Variants in MYO5B observed in about 807,000 individuals in gnomAD.
MYO5B encodes unconventional myosin-Vb.
MYO5B carries 143 observed loss-of-function variants against 229.3 expected under a neutral mutation model. The ratio of observed to expected loss-of-function variants is 0.62; its 90% CI spans 0.54 to 0.72. The LOEUF is 0.72. Ranked by LOEUF, MYO5B falls within the 30% of genes least tolerant of loss-of-function variation. The probability of loss-of-function intolerance (pLI) is 0.00; values close to 1 mark genes in which losing one functional copy is unlikely to be tolerated. For missense variants in MYO5B, 2,321 were observed against 2,331.0 expected, an observed-to-expected ratio of 1.00 and a Z score of 0.09; for synonymous variants, 918 against 885.2, an observed-to-expected ratio of 1.04 and a Z score of -0.66.
chr18:50,064,038 C>A (rs1304249335), intron 1 of MYO5B: 3 of 152,200 alleles, frequency 2.0e-5, no homozygotes, highest in Non-Finnish European at 2.9e-5. Flanking sequence ...GTGAGGGAAG[C>A]AGTGATAGCA....
intron 1 of MYO5B, among the ~76,000 whole-genome samples, chr18:50,065,289 G>A (rs910990849): frequency 6.6e-6 from 1 of 152,136 alleles, no homozygotes; most frequent in African/African-American, 2.4e-5. Flanking sequence ...GCGAGGTGCT[G>A]GGCACAGTGA....
chr18:49,845,774 G>A (rs2024117904), intron 33 of MYO5B, among the ~76,000 whole-genome samples: 1 of 152,212 alleles, frequency 6.6e-6, no homozygotes, highest in African/African-American at 2.4e-5. Context: ...GTACAGAGCA[G>A]GGAGGTGGCC....
intron 39 of MYO5B, among the ~76,000 whole-genome samples, chr18:49,832,836 C>A (rs1177090987): frequency 6.6e-6 from 1 of 152,114 alleles, no homozygotes; most frequent in East Asian, 1.9e-4. Flanking sequence ...AAGCAACTAG[C>A]CTCACTAATT....
chr18:50,147,369 T>C (rs1385497946), intron 1 of MYO5B, among the ~76,000 whole-genome samples: 1 of 152,228 alleles, frequency 6.6e-6, no homozygotes, highest in Non-Finnish European at 1.5e-5. Flanking sequence ...GCCACTGCCC[T>C]GTCCACAGTC....
At chr18:50,089,786 C>A (rs1297171438) in intron 1 of MYO5B, among the ~76,000 whole-genome samples, 1 of 152,204 alleles carries the variant, frequency 6.6e-6, no homozygotes. Context: ...TGATACCCAC[C>A]CAACAAGGCG....
At chr18:49,940,692 G>T (rs2144220197) in intron 14 of MYO5B, among the ~76,000 whole-genome samples, 1 of 152,258 alleles carries the variant, frequency 6.6e-6, no homozygotes, top group African/African-American at 2.4e-5. Context: ...TAGGCCTTTT[G>T]GATAAGATCA....
In MYO5B at chr18:49,849,603, G is replaced by A. The variant is rs1288744121; in HGVS notation, c.4279C>T (p.Leu1427=). The A allele has an allele frequency of 6.2e-6, 10 of 1,613,424 alleles. No individual in the cohort carries two copies. The South Asian group carries it at 9.9e-5, about 16-fold the overall frequency. ...TGGGCTTTCTTCATGTAAATCTTCA[G>A]TTGCTTTTTGAGCTTCCTCTCATTC... ...EKNERKLKKQ[L]KIYMKKAQDL... The change falls in exon 32 of 40, where the codon CTG becomes TTG. Residue 1427 remains leucine, a synonymous_variant. Coordinates refer to ENST00000285039, the MANE Select transcript of MYO5B (RefSeq NM_001080467.3).
At chr18:50,083,465 T>G (rs926687798) in intron 1 of MYO5B, among the ~76,000 whole-genome samples, 2 of 152,168 alleles carry the variant, frequency 1.3e-5, no homozygotes, top group Admixed American at 1.3e-4. Context: ...CCACCAGCCA[T>G]CTCAGTAGCA....
At chr18:49,981,815 T>G (rs2025818223) in intron 8 of MYO5B, among the ~76,000 whole-genome samples, 1 of 152,120 alleles carries the variant, frequency 6.6e-6, no homozygotes, top group Non-Finnish European at 1.5e-5. Context: ...CACCAAAGAA[T>G]TTAAGCGTCC....
chr18:50,033,765 C>G (rs186084816), intron 4 of MYO5B, among the ~76,000 whole-genome samples: 9 of 152,248 alleles, frequency 5.9e-5, no homozygotes, highest in African/African-American at 1.9e-4. Flanking sequence ...TTTTAACACC[C>G]CCTTTTTCTT....
intron 1 of MYO5B, among the ~76,000 whole-genome samples, chr18:50,100,461 G>A (rs1235580965): frequency 2.0e-5 from 3 of 152,164 alleles, no homozygotes; most frequent in Non-Finnish European, 2.9e-5. Flanking sequence ...CTCAACTAGT[G>A]CACAGAATTA....
At chr18:50,086,398 C>G (rs1470187443) in intron 1 of MYO5B, among the ~76,000 whole-genome samples, 1 of 152,076 alleles carries the variant, frequency 6.6e-6, no homozygotes, top group Non-Finnish European at 1.5e-5. Flanking sequence ...ACTACGTATT[C>G]TACATTTGTT....
chr18:50,127,824 C>T (rs564708142), intron 1 of MYO5B, among the ~76,000 whole-genome samples: 36 of 152,324 alleles, frequency 2.4e-4, no homozygotes, highest in Middle Eastern at 3.4e-3. Context: ...GCAGGTTGCC[C>T]TCCCCACTGC....
chr18:50,148,298 A>T (rs557466334), intron 1 of MYO5B, among the ~76,000 whole-genome samples: 20 of 150,772 alleles, frequency 1.3e-4, no homozygotes, highest in East Asian at 7.9e-4. Context: ...TATTCCAATC[A>T]ATAGAAAAAG....
At chr18:50,073,660 A>C (rs936049505) in intron 1 of MYO5B, among the ~76,000 whole-genome samples, 2 of 152,032 alleles carry the variant, frequency 1.3e-5, no homozygotes, top group African/African-American at 4.8e-5. Context: ...CCTCATATCC[A>C]ACTTAGTGCC....
At chr18:50,033,458 G>A (rs570410288) in intron 4 of MYO5B, among the ~76,000 whole-genome samples, 13 of 152,254 alleles carry the variant, frequency 8.5e-5, no homozygotes, top group Middle Eastern at 3.4e-3. Flanking sequence ...GCCTACGTAC[G>A]TCTTTTCTCT....
chr18:50,013,348 G>T (rs921744190), intron 4 of MYO5B, among the ~76,000 whole-genome samples: 6 of 152,128 alleles, frequency 3.9e-5, no homozygotes, highest in African/African-American at 1.4e-4. Context: ...CCAACTCCAT[G>T]CCTCCACACA....
chr18:49,940,299 C>G (rs1212508768), intron 14 of MYO5B, among the ~76,000 whole-genome samples: 1 of 152,178 alleles, frequency 6.6e-6, no homozygotes, highest in Admixed American at 6.5e-5. Flanking sequence ...CCTGACAGTA[C>G]AGAGTCATGG....
At chr18:49,853,890 T>C (rs2024230849) in intron 30 of MYO5B, among the ~76,000 whole-genome samples, 1 of 152,254 alleles carries the variant, frequency 6.6e-6, no homozygotes, top group Non-Finnish European at 1.5e-5. Context: ...TAAGCCTTTC[T>C]CTCGACCCTT....
Sources: gnomAD v4.1 joint callset for allele counts (sites outside exome capture counted in the v4.1 genomes callset) on GRCh38, gnomAD v4.1.1 for gene constraint, MANE v1.5 for transcripts, NCBI Gene and HGNC (gene_info 2026-07-23, HGNC 2026-07-21) for gene names.